HECW1: variants seen among roughly 807,000 people sequenced by gnomAD.
HECW1 encodes the protein HECT, C2 and WW domain containing E3 ubiquitin protein ligase 1.
A neutral mutation model predicts 182.3 loss-of-function variants in HECW1; 61 were observed. That is an observed-to-expected ratio of 0.33 (90% CI 0.27 to 0.41). HECW1 has a LOEUF of 0.41. Among genes scored for constraint, HECW1 ranks in the 10% least tolerant of loss-of-function variants. HECW1 has a pLI of 1.00. For synonymous variants in HECW1, 859 were observed against 832.6 expected (o/e 1.03, Z -0.55); for missense variants, 1,739 against 2,108.9 (o/e 0.82, Z 3.44).
chr7:43,154,848 G>T (rs1033434264), intron 2 of HECW1, among the ~76,000 whole-genome samples: 2 of 152,104 alleles, frequency 1.3e-5, no homozygotes, highest in African/African-American at 4.8e-5. Flanking sequence ...GAAAGGTTAG[G>T]CATTATCTTT....
At chr7:43,222,532 A>G (rs975624984) in intron 2 of HECW1, among the ~76,000 whole-genome samples, 1 of 152,174 alleles carries the variant, frequency 6.6e-6, no homozygotes, top group Non-Finnish European at 1.5e-5. Context: ...TGTACAATGC[A>G]TCTTTCTGGG....
intron 8 of HECW1, among the ~76,000 whole-genome samples, chr7:43,416,610 G>A (rs1344983427): frequency 2.7e-5 from 4 of 150,684 alleles, no homozygotes; most frequent in South Asian, 2.1e-4. Context: ...GGGCAATGGC[G>A]GGCACCCCTC....
At position 43,197,481 on chromosome 7, in the gene HECW1, G is replaced by A. The variant is rs1794575239; in HGVS notation, c.-31-46394G>A. On this transcript the variant is annotated intron_variant, in intron 2 of 29. Transcript: ENST00000395891. ...TGGGTGGACAGATGCCCAGGAGCGT[G>A]CACAGTGGCCCAAGGAGAGGGTGGG... Among the ~76,000 whole-genome samples the A allele has an allele frequency of 2.6e-5, 4 of 152,224 alleles. No homozygotes were observed. The South Asian group carries it at 8.3e-4, about 32-fold the overall frequency.
At position 43,125,402 on chromosome 7, in the gene HECW1, G is replaced by A. The variant is rs117671241; in HGVS notation, c.-32+11011G>A. Among the ~76,000 whole-genome samples, 1,481 of 152,182 alleles carry A rather than the reference G, an allele frequency of 9.7e-3. 13 individuals carry two copies. The highest frequency in any genetic ancestry group is 0.017 in the Non-Finnish European group (1,165 of 68,014). On this transcript the variant is annotated intron_variant, in intron 2 of 29. Transcript: ENST00000395891. ...CTCTGAGTCCAGAATGAAAAGTAGCGGGTAGAAGATTTTGATTCAATAACA... is the reference window on the plus strand; with the variant it reads ...CTCTGAGTCCAGAATGAAAAGTAGCAGGTAGAAGATTTTGATTCAATAACA...
chr7:43,152,751 T>G (rs1010749097), intron 2 of HECW1, among the ~76,000 whole-genome samples: 4 of 152,190 alleles, frequency 2.6e-5, no homozygotes, highest in African/African-American at 9.6e-5. Flanking sequence ...TATCAATTGG[T>G]GGAGCTCACT....
At chr7:43,363,552 G>A (rs1816231456) in intron 6 of HECW1, among the ~76,000 whole-genome samples, 1 of 152,150 alleles carries the variant, frequency 6.6e-6, no homozygotes, top group Non-Finnish European at 1.5e-5. Flanking sequence ...AAGCATGTGA[G>A]AGCTCGATCG....
intron 27 of HECW1, 53 bp downstream of exon 27, chr7:43,550,644 G>A (rs528569088): frequency 2.0e-5 from 31 of 1,527,078 alleles, no homozygotes; most frequent in Admixed American, 5.9e-5. Flanking sequence ...GCTGCTTCAC[G>A]GGGCCTCATC....
At chr7:43,439,256 G>T (rs1332272279) in intron 9 of HECW1, 1 of 152,148 alleles carries the variant, frequency 6.6e-6, no homozygotes, top group Non-Finnish European at 1.5e-5. Context: ...TAATGCTTCT[G>T]TGACAGCATT....
chr7:43,436,582 T>TG lies in HECW1; in HGVS notation c.802-1416dup, dbSNP rs1170253853. Among the ~76,000 whole-genome samples the TG allele has an allele frequency of 7.2e-5, 11 of 151,938 alleles. 1 individual carries two copies. The highest frequency in any genetic ancestry group is 7.2e-4 in the Admixed American group (11 of 15,258). ...GGGGTGGGGGTCACAAGGTGCTCAG[T>TG]GGGGGAGCTTCTGAGCCAGGAGAAG... is the stretch of plus-strand genomic sequence containing the variant. On this transcript the variant is annotated intron_variant, in intron 8 of 29. Coordinates refer to ENST00000395891, the MANE Select transcript of HECW1 (RefSeq NM_015052.5).
At chr7:43,142,409 A>G (rs1262497477) in intron 2 of HECW1, among the ~76,000 whole-genome samples, 1 of 152,170 alleles carries the variant, frequency 6.6e-6, no homozygotes, top group East Asian at 1.9e-4. Flanking sequence ...CACAGAATCT[A>G]GCATGCTGAA....
chr7:43,311,915 C>T lies in HECW1; in HGVS notation c.180C>T (p.Gly60=), dbSNP rs1808574834. ...ACCTCAGGGGCGGCCCCCACGATGG[C>T]GTCACCATTCCCCGCTCCACCAGCG... ...NMDLRGGPHD[G]VTIPRSTSDT... The change falls in exon 4 of 30, where the codon GGC becomes GGT. Residue 60 remains glycine (G), a synonymous_variant. Coordinates refer to ENST00000395891, the MANE Select transcript of HECW1 (RefSeq NM_015052.5). 3 of 1,614,246 alleles carry T rather than the reference C, an allele frequency of 1.9e-6. No individual in the cohort carries two copies. In the East Asian group the frequency reaches 6.7e-5, roughly 36 times the overall value.
intron 2 of HECW1, among the ~76,000 whole-genome samples, chr7:43,216,877 A>G (rs1448485047): frequency 6.6e-6 from 1 of 151,626 alleles, no homozygotes; most frequent in Non-Finnish European, 1.5e-5. Flanking sequence ...CTGGCCTCGA[A>G]CCCCTGGCCT....
At chr7:43,153,785 C>G (rs1161601952) in intron 2 of HECW1, among the ~76,000 whole-genome samples, 1 of 152,066 alleles carries the variant, frequency 6.6e-6, no homozygotes. Flanking sequence ...AGACAGTAAC[C>G]CCACTTGTGG....
At position 43,159,487 on chromosome 7, in the gene HECW1, T is replaced by C. The variant is rs569692919; in HGVS notation, c.-32+45096T>C. Among the ~76,000 whole-genome samples, 10 of 152,244 alleles carry C rather than the reference T, an allele frequency of 6.6e-5. No individual in the cohort carries two copies. In the East Asian group the frequency reaches 7.7e-4, roughly 12 times the overall value. ...TTAGCTAAATCTTTATACATTGATA[T>C]ATTAGTTTCCTTAAAAAAAATTTCT... On this transcript the variant is annotated intron_variant, in intron 2 of 29. Coordinates refer to ENST00000395891, the MANE Select transcript of HECW1 (RefSeq NM_015052.5).
At chr7:43,551,995 A>G (rs1016929592) in intron 27 of HECW1, among the ~76,000 whole-genome samples, 2 of 152,180 alleles carry the variant, frequency 1.3e-5, no homozygotes, top group Non-Finnish European at 2.9e-5. Context: ...CCCACCTCCT[A>G]ATACGATCCC....
intron 3 of HECW1, among the ~76,000 whole-genome samples, chr7:43,251,870 G>A (rs1800067988): frequency 1.3e-5 from 2 of 152,146 alleles, no homozygotes; most frequent in African/African-American, 4.8e-5. Context: ...GTTCAGAGTA[G>A]AATGCTATTA....
intron 2 of HECW1, among the ~76,000 whole-genome samples, chr7:43,164,523 T>A (rs914798684): frequency 3.3e-5 from 5 of 152,108 alleles, no homozygotes; most frequent in African/African-American, 9.7e-5. Flanking sequence ...GTGCCCAGAC[T>A]CCCCTCAGTG....
chr7:43,177,594 C>T (rs904500907), intron 2 of HECW1, among the ~76,000 whole-genome samples: 1 of 152,238 alleles, frequency 6.6e-6, no homozygotes, highest in Admixed American at 6.5e-5. Context: ...AACTCTAGCC[C>T]TGGCTCTGCT....
chr7:43,420,050 A>G (rs1024978924), intron 8 of HECW1, among the ~76,000 whole-genome samples: 2 of 152,252 alleles, frequency 1.3e-5, no homozygotes, highest in Non-Finnish European at 2.9e-5. Context: ...ACACCTTCAA[A>G]TAAGGAAGAG....
Sources: allele counts gnomAD v4.1 joint callset (sites outside exome capture counted in the v4.1 genomes callset), GRCh38; gene constraint gnomAD v4.1.1; transcripts MANE v1.5; gene names NCBI Gene and HGNC (gene_info 2026-07-23, HGNC 2026-07-21).